DIP2B: variants seen among roughly 807,000 people sequenced by gnomAD.
The protein encoded by DIP2B is DIP2 acetate--CoA ligase B (putative), also known as disco-interacting protein 2 homolog B.
In DIP2B, 76 loss-of-function variants were observed where a neutral mutation model predicts 198.0. That is an observed-to-expected ratio of 0.38 (90% CI 0.32 to 0.46). The LOEUF (loss-of-function observed/expected upper bound fraction) is 0.46, where lower values mean the gene tolerates loss of function less well. Among genes scored for constraint, DIP2B ranks in the 20% least tolerant of loss-of-function variants. The probability of loss-of-function intolerance (pLI) is 0.99; values close to 1 mark genes in which losing one functional copy is unlikely to be tolerated. For missense variants in DIP2B, 1,559 were observed against 1,978.4 expected, an observed-to-expected ratio of 0.79 and a Z score of 4.02; for synonymous variants, 701 against 739.1, an observed-to-expected ratio of 0.95 and a Z score of 0.84.
intron 4 of DIP2B, among the ~76,000 whole-genome samples, chr12:50,670,227 C>G (rs1327151225): frequency 6.8e-6 from 1 of 146,566 alleles, no homozygotes; most frequent in Non-Finnish European, 1.5e-5. Flanking sequence ...TCTCACAATT[C>G]TTCTCCAGCT....
At chr12:50,703,316 C>T (rs1939455825) in intron 19 of DIP2B, among the ~76,000 whole-genome samples, 1 of 150,588 alleles carries the variant, frequency 6.6e-6, no homozygotes, top group Non-Finnish European at 1.5e-5. Context: ...AAATGGATAG[C>T]ACATAGTACT....
chr12:50,581,221 G>T (rs1471669347), intron 1 of DIP2B, among the ~76,000 whole-genome samples: 10 of 149,560 alleles, frequency 6.7e-5, no homozygotes, highest in East Asian at 2.3e-4. Flanking sequence ...GACTTTAAAA[G>T]AACTCTTCTG....
intron 1 of DIP2B, among the ~76,000 whole-genome samples, chr12:50,600,056 T>C (rs757116056): frequency 6.6e-6 from 1 of 152,234 alleles, no homozygotes; most frequent in Non-Finnish European, 1.5e-5. Flanking sequence ...ACCTCAAATG[T>C]CAGAGATGGT....
intron 30 of DIP2B, among the ~76,000 whole-genome samples, chr12:50,730,110 G>A (rs1940012100): frequency 6.6e-6 from 1 of 152,094 alleles, no homozygotes; most frequent in Non-Finnish European, 1.5e-5. Flanking sequence ...TCTCCTAACT[G>A]TCTCTCAAGT....
chr12:50,508,393 C>A (rs1406588841), intron 1 of DIP2B, among the ~76,000 whole-genome samples: 8 of 152,154 alleles, frequency 5.3e-5, no homozygotes, highest in Non-Finnish European at 1.2e-4. Context: ...TAAAGTAGCA[C>A]TAATGGGGAG....
chr12:50,518,971 C>T (rs185493423), intron 1 of DIP2B, among the ~76,000 whole-genome samples: 5 of 152,120 alleles, frequency 3.3e-5, no homozygotes, highest in African/African-American at 9.6e-5. Flanking sequence ...CTTGAACTCC[C>T]GGGCTCAAGC....
chr12:50,621,796 G>C (rs1310320460), intron 1 of DIP2B, among the ~76,000 whole-genome samples: 3 of 152,158 alleles, frequency 2.0e-5, no homozygotes, highest in Non-Finnish European at 4.4e-5. Context: ...GATACTGTAG[G>C]CCTAGCATTG....
Position 50,660,296 on chromosome 12 carries a change from C to T in DIP2B, c.404C>T (p.Pro135Leu). The T allele has an allele frequency of 6.2e-7, 1 of 1,610,958 alleles. No individual in the cohort carries two copies. The highest frequency in any genetic ancestry group is 8.5e-7 in the Non-Finnish European group (1 of 1,178,592). ...AGGCGATCCACATTTGTTCAGTCTC[C>T]TGCAGATGCCTGCACACCTCCTGGT... Reference protein sequence around the residue: ...TKRRSTFVQSPADACTPPDTS... With the variant: ...TKRRSTFVQSLADACTPPDTS... The change falls in exon 4 of 38, where the codon CCT (proline) becomes CTT (leucine). Residue 135 changes from proline to leucine, a missense_variant. Physicochemically the swap from Pro to Leu is moderately conservative, Grantham distance 98. Transcript: ENST00000301180.
At chr12:50,600,979 C>T (rs1958931222) in intron 1 of DIP2B, among the ~76,000 whole-genome samples, 1 of 147,796 alleles carries the variant, frequency 6.8e-6, no homozygotes, top group Non-Finnish European at 1.5e-5. Context: ...ATCTCACATT[C>T]TCAACTGGGT....
intron 1 of DIP2B, among the ~76,000 whole-genome samples, chr12:50,513,992 G>A (rs996847896): frequency 1.3e-5 from 2 of 150,966 alleles, no homozygotes; most frequent in Non-Finnish European, 2.9e-5. Flanking sequence ...GCTCTAGATT[G>A]ATCTTTCATC....
chr12:50,732,908 CTT>C (rs889363693), intron 32 of DIP2B, among the ~76,000 whole-genome samples: 1 of 146,770 alleles, frequency 6.8e-6, no homozygotes, highest in Non-Finnish European at 1.5e-5. Context: ...TTTCCTTTTT[CTT>C]TTTTTTTTTA....
chr12:50,671,178 CCA>C lies in DIP2B; in HGVS notation c.428-3_428-2del, dbSNP rs1452995236. On this transcript the variant is annotated splice_polypyrimidine_tract_variant and splice_region_variant and intron_variant, in intron 4 of 37. Transcript: ENST00000301180. ...ATCGAGAACTTCTTTTTTTCTAATT[CCA>C]CACAGACACATCTTCGGCCTCTGAG... The C allele has an allele frequency of 1.2e-6, 2 of 1,612,252 alleles. No homozygotes were observed. The highest frequency in any genetic ancestry group is 1.7e-6 in the Non-Finnish European group (2 of 1,179,526).
chr12:50,517,141 G>C (rs1230869835), intron 1 of DIP2B, among the ~76,000 whole-genome samples: 1 of 151,896 alleles, frequency 6.6e-6, no homozygotes, highest in Non-Finnish European at 1.5e-5. Context: ...GGATGGTCTC[G>C]ATCTTCTGAC....
Position 50,650,370 on chromosome 12 carries a change from G to A in DIP2B, c.301+9518G>A, listed in dbSNP as rs1046608295. Among the ~76,000 whole-genome samples, 8 of 152,102 alleles carry A rather than the reference G, an allele frequency of 5.3e-5. No homozygotes were observed. The South Asian group carries it at 8.3e-4, about 16-fold the overall frequency. Reference sequence around the variant, plus strand: ...TCCTTTTGACAGTTTTTAAGTATACGTTACCGTATTGGTAACTGTACGCAT... The same window carrying A: ...TCCTTTTGACAGTTTTTAAGTATACATTACCGTATTGGTAACTGTACGCAT... On this transcript the variant is annotated intron_variant, in intron 3 of 37. Transcript: ENST00000301180.
At chr12:50,721,191 G>A (rs2139586401) in intron 25 of DIP2B, 82 bp from the exon 26 acceptor site, 2 of 1,533,086 alleles carry the variant, frequency 1.3e-6, no homozygotes, top group Non-Finnish European at 1.8e-6. Context: ...AGCCTTTCAG[G>A]TATGATGTTG....
intron 1 of DIP2B, among the ~76,000 whole-genome samples, chr12:50,528,542 C>T (rs1475307596): frequency 1.3e-5 from 2 of 152,046 alleles, no homozygotes; most frequent in African/African-American, 2.4e-5. Flanking sequence ...AACGTCCATC[C>T]ATGCAGAAGT....
intron 4 of DIP2B, among the ~76,000 whole-genome samples, chr12:50,669,524 G>T (rs933047040): frequency 1.2e-4 from 19 of 152,136 alleles, no homozygotes; most frequent in Non-Finnish European, 2.2e-4. Context: ...CCGGTCTTAA[G>T]TGATTCTTGT....
chr12:50,507,594 C>T (rs1468334137), intron 1 of DIP2B, among the ~76,000 whole-genome samples: 1 of 152,132 alleles, frequency 6.6e-6, no homozygotes, highest in African/African-American at 2.4e-5. Context: ...CACTGTTGCC[C>T]GATTTTAGCT....
rs966595580 is a variant in DIP2B, at chr12:50,686,013, A to G, written c.1441+57A>G. The G allele has an allele frequency of 3.9e-6, 6 of 1,558,318 alleles. No individual in the cohort carries two copies. In the African/African-American group the frequency reaches 4.1e-5, roughly 11 times the overall value. ...AAAGTTAAAACTGAGTGCTTTAATT[A>G]GCTTTTTAATTTAGTAATAGCTAGG... On this transcript the variant is annotated intron_variant, in intron 11 of 37. Coordinates refer to ENST00000301180, the MANE Select transcript of DIP2B (RefSeq NM_173602.3).
Sources: gnomAD v4.1 joint callset for allele counts (sites outside exome capture counted in the v4.1 genomes callset) on GRCh38, gnomAD v4.1.1 for gene constraint, MANE v1.5 for transcripts, NCBI Gene and HGNC (gene_info 2026-07-23, HGNC 2026-07-21) for gene names.